The following CLEC12B variants were observed in gnomAD, a reference collection of about 807,000 sequenced individuals.
The protein encoded by CLEC12B is macrophage antigen h.
Under a neutral mutation model 36.1 loss-of-function variants are expected in CLEC12B, and 25 were observed. The observed-to-expected ratio is 0.69, with a 90% CI of 0.50 to 0.97. The LOEUF is 0.97. CLEC12B is among the 50% of genes least tolerant of loss of function. The pLI, the probability that CLEC12B is intolerant of heterozygous loss-of-function variation, is 0.00. For missense variants in CLEC12B, 325 were observed against 318.4 expected (o/e 1.02, Z -0.16); for synonymous variants, 110 against 108.5 (o/e 1.01, Z -0.09).
intron 1 of CLEC12B, 136 bp from the exon 2 acceptor site, chr12:10,012,649 T>G: frequency 3.2e-6 from 2 of 634,480 alleles, no homozygotes; most frequent in South Asian, 4.0e-5. Flanking sequence ...TTAGGTATTT[T>G]CTAAATGAGG....
intron 2 of CLEC12B, 64 bp from the exon 3 acceptor site, chr12:10,014,459 G>T: frequency 8.7e-7 from 1 of 1,156,062 alleles, no homozygotes; most frequent in East Asian, 2.5e-5. Context: ...TTTCTGTCAC[G>T]AGAATTATCT....
upstream of CLEC12B, among the ~76,000 whole-genome samples, chr12:10,009,025 C>A (rs1056807469): frequency 1.3e-5 from 2 of 152,098 alleles, no homozygotes; most frequent in African/African-American, 4.8e-5. Flanking sequence ...GTAAAACGCA[C>A]CAATCAGCAG....
chr12:10,009,394 T>C (rs1865271525), upstream of CLEC12B, among the ~76,000 whole-genome samples: 1 of 152,194 alleles, frequency 6.6e-6, no homozygotes, highest in Non-Finnish European at 1.5e-5. Context: ...TTTGTAATCA[T>C]CTATTTAAAC....
chr12:10,008,504 A>G (rs930737889), upstream of CLEC12B, among the ~76,000 whole-genome samples: 3 of 152,242 alleles, frequency 2.0e-5, no homozygotes, highest in African/African-American at 4.8e-5. Flanking sequence ...GATAGTTGAA[A>G]AAATAATGAA....
chr12:10,017,294 CAA>C, intron 5 of CLEC12B: 1 of 985,302 alleles, frequency 1.0e-6, no homozygotes, highest in African/African-American at 1.7e-5. Flanking sequence ...TTTTTTGTGA[CAA>C]GAGCAATATT....
Position 10,018,516 on chromosome 12 carries a change from C to T in CLEC12B, c.*35C>T. 2 of 1,528,768 alleles carry T rather than the reference C, an allele frequency of 1.3e-6. No homozygotes were observed. The highest frequency in any genetic ancestry group is 1.8e-6 in the Non-Finnish European group (2 of 1,133,010). The allele number at this position is 1,528,768 out of a possible 1,614,324, so 94.7% of individuals were successfully genotyped here. ...TCCAAATTCTCCAAGAAGTAAGAGA[C>T]TTGTGAGTAAGCTCATATGAGGAAA... On this transcript the variant is annotated 3_prime_UTR_variant, in exon 6 of 6. Coordinates refer to ENST00000338896, the MANE Select transcript of CLEC12B (RefSeq NM_001129998.3).
chr12:10,012,684 G>A (rs1283535598), intron 1 of CLEC12B, 101 bp from the exon 2 acceptor site: 6 of 802,976 alleles, frequency 7.5e-6, no homozygotes, highest in Non-Finnish European at 1.2e-5. Context: ...AGAAAGAAAC[G>A]TTAGTATCGG....
In CLEC12B at chr12:10,014,703, C is replaced by T. The variant is rs780995317; in HGVS notation, c.371C>T (p.Ala124Val). Residue 124 changes from alanine to valine, a missense_variant, in exon 3 of 6, where the codon GCC becomes GTC. Ala to Val is a moderately conservative substitution (Grantham distance 64). Transcript: ENST00000338896. The stretch of plus-strand genomic sequence containing the variant: ...GTACTGAAGAGGCAGGAACAAATGG[C>T]CATCAAACTGTGCCAAGAGCTAATC... ...SSVLKRQEQM[A>V]IKLCQELIIH... 1.2e-6 allele frequency: 2 copies of T among 1,613,386 alleles called. No homozygotes were observed. Among genetic ancestry groups the T allele is most frequent in the Non-Finnish European group, 8.5e-7 (1 of 1,179,472 alleles).
chr12:10,011,813 A>G (rs1249914640), intron 1 of CLEC12B, among the ~76,000 whole-genome samples: 1 of 152,242 alleles, frequency 6.6e-6, no homozygotes, highest in Non-Finnish European at 1.5e-5. Flanking sequence ...TAGACTTTGC[A>G]TATGTCTAAT....
intron 2 of CLEC12B, among the ~76,000 whole-genome samples, chr12:10,013,634 C>T (rs528331619): frequency 6.6e-6 from 1 of 152,276 alleles, no homozygotes; most frequent in East Asian, 1.9e-4. Flanking sequence ...ACAGGGAACT[C>T]ACAGTCAAGA....
chr12:10,011,680 T>A (rs1865330523), intron 1 of CLEC12B, among the ~76,000 whole-genome samples: 1 of 152,326 alleles, frequency 6.6e-6, no homozygotes, highest in East Asian at 1.9e-4. Flanking sequence ...ATGTTAACTA[T>A]CCAGGTTCTC....
At chr12:10,007,707 AAC>A (rs1313871616), upstream of CLEC12B, among the ~76,000 whole-genome samples, 12 of 152,220 alleles carry the variant, frequency 7.9e-5, no homozygotes, top group Non-Finnish European at 1.8e-4. Context: ...CGTAAGATAA[AAC>A]CAGTTAATAT....
At chr12:10,013,362 CAT>C (rs1865385927) in intron 2 of CLEC12B, 1 of 179,178 alleles carries the variant, frequency 5.6e-6, no homozygotes, top group Admixed American at 6.3e-5. Flanking sequence ...ATGAGAAAGA[CAT>C]ATAAACAAAG....
upstream of CLEC12B, among the ~76,000 whole-genome samples, chr12:10,009,238 T>A (rs1865268566): frequency 1.3e-5 from 2 of 152,174 alleles, no homozygotes; most frequent in Non-Finnish European, 2.9e-5. Flanking sequence ...AGTCTTTGGG[T>A]CCGTGCCATC....
At chr12:10,014,814 C>T in intron 3 of CLEC12B, 73 bp downstream of exon 3, 1 of 981,046 alleles carries the variant, frequency 1.0e-6, no homozygotes, top group South Asian at 1.4e-5. Context: ...ACATGTACCA[C>T]CTAAGAGTAT....
chr12:10,010,462 C>T (rs1377646343), upstream of CLEC12B, among the ~76,000 whole-genome samples: 3 of 152,242 alleles, frequency 2.0e-5, no homozygotes, highest in Admixed American at 6.5e-5. Flanking sequence ...CATGTTCCTC[C>T]TGCTCTGCCT....
chr12:10,008,174 T>G (rs146194392), upstream of CLEC12B, among the ~76,000 whole-genome samples: 993 of 152,372 alleles, frequency 6.5e-3, 6 homozygotes, highest in Non-Finnish European at 0.01. Flanking sequence ...GCATAGCCAA[T>G]GCCACCTGTG....
At position 10,010,799 on chromosome 12, in the gene CLEC12B, G is replaced by A. The variant is rs1865310466; in HGVS notation, c.40G>A (p.Asp14Asn). The A allele has an allele frequency of 6.2e-7, 1 of 1,611,894 alleles. No homozygotes were observed. The highest frequency in any genetic ancestry group is 1.3e-5 in the African/African-American group (1 of 74,980). ...EVTYATLTFQ[D>N]SAGARNNRDG... ...GACCTACGCGACACTCACATTTCAG[G>A]ATTCTGCTGGAGCAAGGAATAACCG... Residue 14 changes from aspartate to asparagine, a missense_variant, in exon 1 of 6, where the codon GAT becomes AAT. Asp to Asn is a conservative substitution (Grantham distance 23, BLOSUM62 1). Coordinates refer to ENST00000338896, the MANE Select transcript of CLEC12B (RefSeq NM_001129998.3).
At chr12:10,014,471 C>T (rs1029039315) in intron 2 of CLEC12B, 52 bp from the exon 3 acceptor site, 8 of 1,241,400 alleles carry the variant, frequency 6.4e-6, no homozygotes, top group Admixed American at 5.4e-5. Flanking sequence ...GAATTATCTA[C>T]AGTTATAAGA....
Sources: gnomAD v4.1 joint callset for allele counts (sites outside exome capture counted in the v4.1 genomes callset) on GRCh38, gnomAD v4.1.1 for gene constraint, MANE v1.5 for transcripts, NCBI Gene and HGNC (gene_info 2026-07-23, HGNC 2026-07-21) for gene names.